LYN: variants seen among roughly 807,000 people sequenced by gnomAD.
LYN encodes tyrosine-protein kinase Lyn.
A neutral mutation model predicts 65.0 loss-of-function variants in LYN; 12 were observed. The observed-to-expected ratio is 0.18, with a 90% confidence interval of 0.12 to 0.30. The LOEUF is 0.30. LYN is among the 10% of genes least tolerant of loss of function. The pLI is 1.00. For missense variants in LYN, 380 were observed against 623.2 expected (o/e 0.61, Z 4.16); for synonymous variants, 222 against 221.2 (o/e 1.00, Z -0.03).
intron 1 of LYN, among the ~76,000 whole-genome samples, chr8:55,922,287 A>C (rs1805966710): frequency 6.6e-6 from 1 of 151,918 alleles, no homozygotes; most frequent in East Asian, 1.9e-4. Context: ...AGGGGGTCTC[A>C]CTGTGTTACC....
intron 10 of LYN, among the ~76,000 whole-genome samples, chr8:55,979,186 A>G (rs11987481): frequency 0.11 from 16,416 of 151,104 alleles, 2,760 homozygotes; most frequent in African/African-American, 0.36. Context: ...GGGATTACAA[A>G]CGTGTGCCAC....
chr8:55,998,503 T>G lies in LYN; in HGVS notation c.1204+4T>G. 2.5e-6 allele frequency: 4 copies of G among 1,603,900 alleles called. No homozygotes were observed. Among genetic ancestry groups the G allele is most frequent in the Non-Finnish European group, 3.4e-6 (4 of 1,171,268 alleles). Reference sequence around the variant, plus strand: ...AATGAGTACACAGCAAGGGAAGGTATGTTGCACTAATGATCTTTAGATGTT... The same window carrying G: ...AATGAGTACACAGCAAGGGAAGGTAGGTTGCACTAATGATCTTTAGATGTT... On this transcript the variant is annotated splice_donor_region_variant and intron_variant, in intron 11 of 12. Coordinates refer to ENST00000519728, the MANE Select transcript of LYN (RefSeq NM_002350.4).
At chr8:55,954,239 A>G (rs1297754880) in intron 8 of LYN, among the ~76,000 whole-genome samples, 1 of 152,206 alleles carries the variant, frequency 6.6e-6, no homozygotes, top group Non-Finnish European at 1.5e-5. Flanking sequence ...TATCTTGATC[A>G]TCTGCCTATT....
intron 1 of LYN, among the ~76,000 whole-genome samples, chr8:55,884,513 T>C (rs1342207954): frequency 6.6e-6 from 1 of 152,112 alleles, no homozygotes; most frequent in Non-Finnish European, 1.5e-5. Flanking sequence ...CTGGAGTGCT[T>C]TGGCGTGATC....
At chr8:55,898,395 C>T (rs767653285) in intron 1 of LYN, among the ~76,000 whole-genome samples, 4 of 152,106 alleles carry the variant, frequency 2.6e-5, no homozygotes, top group Non-Finnish European at 5.9e-5. Context: ...TTCAAGCAAT[C>T]CTCCCATCTC....
chr8:55,935,505 G>A (rs1806402716), intron 1 of LYN, among the ~76,000 whole-genome samples: 1 of 152,214 alleles, frequency 6.6e-6, no homozygotes, highest in Admixed American at 6.5e-5. Flanking sequence ...TGGGTGCAGT[G>A]GCTCACGCCT....
rs112427676 is a variant in LYN, at chr8:55,929,709, A to G, written c.-5-12146A>G. Among the ~76,000 whole-genome samples the G allele has an allele frequency of 1.1e-3, 163 of 152,364 alleles. 1 individual carries two copies. Among genetic ancestry groups the G allele is most frequent in the African/African-American group, 3.8e-3 (156 of 41,596 alleles). On this transcript the variant is annotated intron_variant, in intron 1 of 12. Transcript: ENST00000519728. Reference sequence around the variant, plus strand: ...ACTGGCATCCAGTGGGTAGAGGCCAAGGATGCTGCTAAGTATCCTACAATA... The same window carrying G: ...ACTGGCATCCAGTGGGTAGAGGCCAGGGATGCTGCTAAGTATCCTACAATA...
chr8:55,972,905 C>T lies in LYN; in HGVS notation c.1050+3112C>T, dbSNP rs556700479. Among the ~76,000 whole-genome samples the T allele has an allele frequency of 5.3e-5, 8 of 152,194 alleles. No homozygotes were observed. The South Asian group carries it at 1.0e-3, about 20-fold the overall frequency. Reference sequence around the variant, plus strand: ...CTAACTAAACAGTTAGTAGGCTGTGCGATAATGATGCGACTTGCTGTCTTC... The same window carrying T: ...CTAACTAAACAGTTAGTAGGCTGTGTGATAATGATGCGACTTGCTGTCTTC... On this transcript the variant is annotated intron_variant, in intron 10 of 12. Coordinates refer to ENST00000519728, the MANE Select transcript of LYN (RefSeq NM_002350.4).
chr8:55,903,660 T>C lies in LYN; in HGVS notation c.-6+23557T>C, dbSNP rs570371433. Among the ~76,000 whole-genome samples, 2 of 152,348 alleles carry C rather than the reference T, an allele frequency of 1.3e-5. 1 individual carries two copies. Among genetic ancestry groups the C allele is most frequent in the South Asian group, 4.2e-4 (2 of 4,818 alleles). On this transcript the variant is annotated intron_variant, in intron 1 of 12. Transcript: ENST00000519728. ...TGAATAATTAAGTTTTATTGAGACC[T>C]TCCTTTTGAAAGTAACTTGTTACCT... is the stretch of plus-strand genomic sequence containing the variant.
intron 10 of LYN, among the ~76,000 whole-genome samples, chr8:55,984,551 G>A (rs549719997): frequency 2.0e-5 from 3 of 152,150 alleles, no homozygotes; most frequent in Non-Finnish European, 2.9e-5. Context: ...AGCAAGTCTG[G>A]GGTTCTACCC....
intron 1 of LYN, among the ~76,000 whole-genome samples, chr8:55,936,900 C>A (rs980258402): frequency 6.6e-5 from 10 of 152,198 alleles, no homozygotes; most frequent in African/African-American, 2.4e-4. Context: ...AGCACAGGTT[C>A]ATCTCTGGGT....
At position 55,920,786 on chromosome 8, in the gene LYN, AC is replaced by A. The variant is rs1400998124; in HGVS notation, c.-5-21062del. On this transcript the variant is annotated intron_variant, in intron 1 of 12. Coordinates refer to ENST00000519728, the MANE Select transcript of LYN (RefSeq NM_002350.4). ...CCTCCCCCCCTTGCCCTTCCCCACC[AC>A]CCCCCCACCGGGTTCCAGCAATTCT... Among the ~76,000 whole-genome samples the A allele has an allele frequency of 4.0e-4, 9 of 22,578 alleles. No individual in the cohort carries two copies. In the Middle Eastern group the frequency reaches 0.079, roughly 198 times the overall value. The allele number at this position is 22,578 out of a possible 152,430, so 14.8% of individuals were successfully genotyped here.
At chr8:55,882,250 A>G (rs1329122101) in intron 1 of LYN, among the ~76,000 whole-genome samples, 1 of 152,194 alleles carries the variant, frequency 6.6e-6, no homozygotes, top group African/African-American at 2.4e-5. Context: ...TGGTGTTACA[A>G]AGGTAGGTCG....
At chr8:55,897,175 G>T (rs1201372213) in intron 1 of LYN, among the ~76,000 whole-genome samples, 1 of 152,140 alleles carries the variant, frequency 6.6e-6, no homozygotes, top group African/African-American at 2.4e-5. Flanking sequence ...TTACAGTCTT[G>T]ACCTAATTTC....
At chr8:55,916,157 C>T (rs1327123348) in intron 1 of LYN, among the ~76,000 whole-genome samples, 1 of 151,940 alleles carries the variant, frequency 6.6e-6, no homozygotes, top group Non-Finnish European at 1.5e-5. Flanking sequence ...ACTAAATCTT[C>T]AGAAAAAATT....
chr8:55,892,939 T>A (rs2130366011), intron 1 of LYN, among the ~76,000 whole-genome samples: 1 of 152,296 alleles, frequency 6.6e-6, no homozygotes, highest in East Asian at 1.9e-4. Context: ...CCCCAAGCAG[T>A]ACTCCCCTGA....
Position 55,891,676 on chromosome 8 carries a change from A to C in LYN, c.-6+11573A>C, listed in dbSNP as rs74380219. Reference sequence around the variant, plus strand: ...TGCCACTGAGTTATATACTTAAAATAGTTACGATACAAGTTTTATATTGTG... The same window carrying C: ...TGCCACTGAGTTATATACTTAAAATCGTTACGATACAAGTTTTATATTGTG... On this transcript the variant is annotated intron_variant, in intron 1 of 12. Transcript: ENST00000519728. Among the ~76,000 whole-genome samples, 1,253 of 152,330 alleles carry C rather than the reference A, an allele frequency of 8.2e-3. 24 individuals carry two copies. Among genetic ancestry groups the C allele is most frequent in the African/African-American group, 0.028 (1,177 of 41,562 alleles).
At chr8:55,992,169 G>C (rs1808267475) in intron 10 of LYN, among the ~76,000 whole-genome samples, 1 of 152,054 alleles carries the variant, frequency 6.6e-6, no homozygotes, top group Non-Finnish European at 1.5e-5. Flanking sequence ...TTCACCCCTG[G>C]GCCTGACATT....
At chr8:55,987,853 C>T (rs1808125223) in intron 10 of LYN, among the ~76,000 whole-genome samples, 1 of 152,204 alleles carries the variant, frequency 6.6e-6, no homozygotes, top group African/African-American at 2.4e-5. Context: ...GACTCAGCTT[C>T]GTCCTCGTTA....
Sources: gnomAD v4.1 joint callset for allele counts (sites outside exome capture counted in the v4.1 genomes callset) on GRCh38, gnomAD v4.1.1 for gene constraint, MANE v1.5 for transcripts, NCBI Gene and HGNC (gene_info 2026-07-23, HGNC 2026-07-21) for gene names.